Variants in WDR35 observed in about 807,000 individuals in gnomAD.
WDR35 encodes the protein WD repeat domain 35, also known as WD repeat-containing protein 35.
WDR35 carries 118 observed loss-of-function variants against 158.3 expected under a neutral mutation model. That is an observed-to-expected ratio of 0.75 (90% CI 0.64 to 0.87). The LOEUF (loss-of-function observed/expected upper bound fraction) is 0.87. Ranked by LOEUF, WDR35 falls within the 40% of genes least tolerant of loss-of-function variation. The pLI is 0.00. For synonymous variants in WDR35, 448 were observed against 476.1 expected, an observed-to-expected ratio of 0.94 and a Z score of 0.77; for missense variants, 1,263 against 1,405.8, an observed-to-expected ratio of 0.90 and a Z score of 1.62.
intron 2 of WDR35, among the ~76,000 whole-genome samples, chr2:19,987,606 G>A (rs144994693): frequency 4.0e-5 from 6 of 151,854 alleles, no homozygotes; most frequent in Non-Finnish European, 8.8e-5. Flanking sequence ...GGTAGATCAC[G>A]AGGTCAGGAG....
chr2:19,966,247 T>C (rs772483020), intron 10 of WDR35, among the ~76,000 whole-genome samples: 3 of 152,188 alleles, frequency 2.0e-5, no homozygotes, highest in Non-Finnish European at 4.4e-5. Flanking sequence ...TAGTATACTT[T>C]TTAAAAAGAC....
At chr2:19,925,697 A>G (rs1447132213) in intron 25 of WDR35, among the ~76,000 whole-genome samples, 2 of 152,182 alleles carry the variant, frequency 1.3e-5, no homozygotes, top group Non-Finnish European at 2.9e-5. Flanking sequence ...CTATAAATTT[A>G]TGGGGGAGAG....
intron 4 of WDR35, among the ~76,000 whole-genome samples, chr2:19,980,135 T>C (rs778068777): frequency 4.6e-5 from 7 of 152,228 alleles, no homozygotes; most frequent in Non-Finnish European, 1.0e-4. Flanking sequence ...AATTATTCCC[T>C]TTGACTTCTT....
chr2:19,969,065 A>G (rs1286176523), intron 9 of WDR35, among the ~76,000 whole-genome samples: 1 of 152,192 alleles, frequency 6.6e-6, no homozygotes, highest in African/African-American at 2.4e-5. Context: ...CCTGCAGAGC[A>G]GACCCTCTTG....
At chr2:19,968,870 C>T (rs1284380248) in intron 9 of WDR35, among the ~76,000 whole-genome samples, 4 of 152,236 alleles carry the variant, frequency 2.6e-5, no homozygotes. Flanking sequence ...AATCCATTCT[C>T]TGCCCTTCTC....
intron 26 of WDR35, 85 bp downstream of exon 26, chr2:19,913,952 T>C: frequency 6.3e-7 from 1 of 1,590,022 alleles, no homozygotes; most frequent in African/African-American, 1.3e-5. Flanking sequence ...ATTCAGTGCT[T>C]TAATTCCTAC....
chr2:19,923,301 C>T (rs1200187506), intron 25 of WDR35, among the ~76,000 whole-genome samples: 2 of 152,088 alleles, frequency 1.3e-5, no homozygotes, highest in African/African-American at 4.8e-5. Flanking sequence ...ATCAAAGGGT[C>T]GCTGGAGCAA....
chr2:19,946,611 A>C (rs892404890), intron 14 of WDR35, 41 bp from the exon 15 acceptor site: 1 of 1,545,398 alleles, frequency 6.5e-7, no homozygotes, highest in African/African-American at 1.4e-5. Context: ...TACGTGTATC[A>C]TAATAATATT....
chr2:19,972,145 C>G (rs1368568118), intron 8 of WDR35, among the ~76,000 whole-genome samples: 1 of 152,174 alleles, frequency 6.6e-6, no homozygotes, highest in Non-Finnish European at 1.5e-5. Context: ...AAGTTTAAAT[C>G]ATTAAGTTTA....
rs778060987 is a variant in WDR35, at chr2:19,978,872, C to T, written c.315G>A (p.Trp105Ter). The change falls in exon 5 of 27, where the codon TGG becomes TGA. Residue 105 changes from tryptophan to a stop codon, truncating the protein, a stop_gained. Coordinates refer to ENST00000281405, the MANE Select transcript of WDR35 (RefSeq NM_020779.4). LOFTEE classifies it high-confidence loss of function. ...TTCGATTGTTGATCATCTCCTCAAT[C>T]CAAGAGCCTGTTTTCACAAATTTAA... ...IIVWMLYKGS[W>*]IEEMINNRNK... is the part of the protein sequence containing the mutation. 2.5e-6 allele frequency: 4 copies of T among 1,613,656 alleles called. No individual in the cohort carries two copies. Among genetic ancestry groups the T allele is most frequent in the Non-Finnish European group, 3.4e-6 (4 of 1,179,784 alleles).
In WDR35 at chr2:19,938,275, G is replaced by A. The variant is rs1670762733; in HGVS notation, c.2053C>T (p.Pro685Ser). ...ASQFIEDNPH[P>S]RLWRLLAEAA... ...GCTTTTTTTAAATACCAAAGTCGGG[G>A]GTGTGGATTGTCCTCTATGAACTGA... Residue 685 changes from proline (P) to serine (S), a missense_variant, in exon 18 of 27, where the codon CCC becomes TCC. By Grantham distance (74) the Pro-to-Ser change is moderately conservative (BLOSUM62 -1). Transcript: ENST00000281405. 1 of 1,613,932 alleles carries A rather than the reference G, an allele frequency of 6.2e-7. No homozygotes were observed. Among genetic ancestry groups the A allele is most frequent in the East Asian group, 2.2e-5 (1 of 44,862 alleles).
intron 2 of WDR35, among the ~76,000 whole-genome samples, chr2:19,988,877 C>G (rs1388449785): frequency 1.3e-5 from 2 of 152,144 alleles, no homozygotes; most frequent in Non-Finnish European, 2.9e-5. Context: ...TTTTAGACTC[C>G]TAATAATATA....
At chr2:19,967,678 T>C (rs1671901973) in intron 9 of WDR35, among the ~76,000 whole-genome samples, 2 of 152,076 alleles carry the variant, frequency 1.3e-5, no homozygotes, top group African/African-American at 2.4e-5. Flanking sequence ...AGCTAAACCA[T>C]GTTTAGCTTT....
intron 11 of WDR35, among the ~76,000 whole-genome samples, chr2:19,958,054 C>G (rs1421106704): frequency 2.0e-5 from 3 of 152,174 alleles, no homozygotes; most frequent in Non-Finnish European, 4.4e-5. Flanking sequence ...ACCCACTTTC[C>G]CATTTATTCA....
At chr2:19,920,111 C>G (rs1208891530) in intron 25 of WDR35, among the ~76,000 whole-genome samples, 1 of 152,152 alleles carries the variant, frequency 6.6e-6, no homozygotes, top group African/African-American at 2.4e-5. Context: ...CAAAAAAAGT[C>G]CAGGACCAGA....
rs529577486 is a variant in WDR35 at position 19,916,377 on chromosome 2, C to A, written c.3122-2100G>T. 2.0e-5 allele frequency among the ~76,000 whole-genome samples: 3 copies of A among 152,296 alleles called. No individual in the cohort carries two copies. The South Asian group carries it at 6.2e-4, about 32-fold the overall frequency. ...CATACCCCAGTGGCGCCTGGAACAC[C>A]AGCAAGACAGAACCATTCACTCCCC... On this transcript the variant is annotated intron_variant, in intron 25 of 26. Transcript: ENST00000281405.
rs1416668322 is a variant in WDR35, at chr2:19,956,196, T to C, written c.1256-2218A>G. 2.0e-5 allele frequency among the ~76,000 whole-genome samples: 3 copies of C among 152,232 alleles called. No homozygotes were observed. The East Asian group carries it at 5.8e-4, about 29-fold the overall frequency. On this transcript the variant is annotated intron_variant, in intron 11 of 26. Coordinates refer to ENST00000281405, the MANE Select transcript of WDR35 (RefSeq NM_020779.4). ...GTAACTATTATGCCCTTAGTGTAAT[T>C]TGAAGCAAGTTTGCACACCTTAACT...
At chr2:19,960,758 C>G in intron 10 of WDR35, 144 bp from the exon 11 acceptor site, 1 of 644,994 alleles carries the variant, frequency 1.6e-6, no homozygotes, top group Non-Finnish European at 2.7e-6. Context: ...CAAAAAATAG[C>G]AGACAAAAAG....
intron 23 of WDR35, 122 bp downstream of exon 23, chr2:19,932,161 A>G (rs1380227015): frequency 7.7e-7 from 1 of 1,293,622 alleles, no homozygotes; most frequent in Non-Finnish European, 1.1e-6. Flanking sequence ...AGAAGCAATA[A>G]AACCAGAGTG....
Sources: gnomAD v4.1 joint callset for allele counts (sites outside exome capture counted in the v4.1 genomes callset) on GRCh38, gnomAD v4.1.1 for gene constraint, MANE v1.5 for transcripts, NCBI Gene and HGNC (gene_info 2026-07-23, HGNC 2026-07-21) for gene names.